Variants in MCC observed in about 807,000 individuals in gnomAD.
MCC encodes colorectal mutant cancer protein.
A neutral mutation model predicts 116.2 loss-of-function variants in MCC; 90 were observed. The observed-to-expected ratio is 0.77, with a 90% CI of 0.65 to 0.92. The LOEUF is 0.92. Among genes scored for constraint, MCC ranks in the 40% least tolerant of loss-of-function variants. The pLI, the probability that MCC is intolerant of heterozygous loss-of-function variation, is 0.00. For synonymous variants in MCC, 578 were observed against 510.5 expected, an observed-to-expected ratio of 1.13 and a Z score of -1.78; for missense variants, 1,516 against 1,312.2, an observed-to-expected ratio of 1.16 and a Z score of -2.40.
chr5:113,155,552 T>C (rs945343052), intron 3 of MCC, among the ~76,000 whole-genome samples: 2 of 152,194 alleles, frequency 1.3e-5, no homozygotes, highest in African/African-American at 4.8e-5. Context: ...TACCAGTGGG[T>C]TTAAATCTTG....
At chr5:113,359,620 TA>T (rs568906381) in intron 2 of MCC, among the ~76,000 whole-genome samples, 11 of 152,198 alleles carry the variant, frequency 7.2e-5, no homozygotes, top group East Asian at 3.9e-4. Flanking sequence ...TTTAACCTTT[TA>T]AAAAAAACAA....
intron 3 of MCC, among the ~76,000 whole-genome samples, chr5:113,242,199 C>T (rs1160036727): frequency 6.6e-6 from 1 of 152,184 alleles, no homozygotes; most frequent in Non-Finnish European, 1.5e-5. Context: ...TTTCAGAATA[C>T]CATTTGAGTT....
At chr5:113,469,956 T>C (rs1772034013) in intron 1 of MCC, among the ~76,000 whole-genome samples, 2 of 152,244 alleles carry the variant, frequency 1.3e-5, no homozygotes, top group Non-Finnish European at 2.9e-5. Flanking sequence ...TTGTCTCTTT[T>C]GATCTTTGTT....
intron 3 of MCC, among the ~76,000 whole-genome samples, chr5:113,318,873 A>G (rs1767350501): frequency 6.6e-6 from 1 of 152,166 alleles, no homozygotes; most frequent in Admixed American, 6.5e-5. Flanking sequence ...ATTTTATTTT[A>G]ATTATTTTTT....
At chr5:113,200,352 C>T (rs1043422878) in intron 3 of MCC, among the ~76,000 whole-genome samples, 2 of 152,152 alleles carry the variant, frequency 1.3e-5, no homozygotes, top group Non-Finnish European at 2.9e-5. Flanking sequence ...GAAAGCCATT[C>T]AGATGGAGGG....
chr5:113,300,914 A>G (rs937898151), intron 3 of MCC, among the ~76,000 whole-genome samples: 3 of 152,334 alleles, frequency 2.0e-5, no homozygotes, highest in Middle Eastern at 3.4e-3. Flanking sequence ...CCTCATCTCT[A>G]TATCCTCAGA....
intron 1 of MCC, among the ~76,000 whole-genome samples, chr5:113,412,678 T>C (rs560644635): frequency 1.3e-5 from 2 of 152,318 alleles, no homozygotes; most frequent in Non-Finnish European, 2.9e-5. Flanking sequence ...TGGGCTGAGA[T>C]GATGGGGTTT....
chr5:113,068,135 A>C lies in MCC; in HGVS notation c.1974T>G (p.Ser658Arg). ...ACTGCCCCAGGATGAGGCTCTGCTCACTCTCTGCCAGCGCCAGGAGGAGTT... is the reference window on the plus strand; with the variant it reads ...ACTGCCCCAGGATGAGGCTCTGCTCCCTCTCTGCCAGCGCCAGGAGGAGTT... ...AYELLLALAE[S>R]EQSLILGQFR... The change falls in exon 13 of 19, where the codon AGT becomes AGG. Residue 658 changes from serine (S) to arginine (R), a missense_variant. By Grantham distance (110) the Ser-to-Arg change is moderately radical (BLOSUM62 -1). Coordinates refer to ENST00000408903, the MANE Select transcript of MCC (RefSeq NM_001085377.2). 1 of 1,614,046 alleles carries C rather than the reference A, an allele frequency of 6.2e-7. No individual in the cohort carries two copies. Among genetic ancestry groups the C allele is most frequent in the Non-Finnish European group, 8.5e-7 (1 of 1,179,998 alleles).
chr5:113,324,694 A>G (rs1311838674), intron 3 of MCC, among the ~76,000 whole-genome samples: 1 of 152,206 alleles, frequency 6.6e-6, no homozygotes, highest in Non-Finnish European at 1.5e-5. Flanking sequence ...TAGCACTGGC[A>G]ATCTATCCAA....
chr5:113,310,736 G>T (rs570029124), intron 3 of MCC, among the ~76,000 whole-genome samples: 33 of 152,260 alleles, frequency 2.2e-4, no homozygotes, highest in South Asian at 8.3e-4. Flanking sequence ...GCTACTATTT[G>T]GGAGAATTTG....
chr5:113,487,087 T>G (rs1308090365), intron 1 of MCC, among the ~76,000 whole-genome samples: 1 of 152,150 alleles, frequency 6.6e-6, no homozygotes, highest in Non-Finnish European at 1.5e-5. Context: ...TGTTTCTCAG[T>G]AAAACTTTAG....
At chr5:113,376,053 A>T (rs1768972745) in intron 2 of MCC, among the ~76,000 whole-genome samples, 1 of 152,162 alleles carries the variant, frequency 6.6e-6, no homozygotes, top group Non-Finnish European at 1.5e-5. Context: ...ATCCAGCTTG[A>T]GACTATATCC....
intron 8 of MCC, among the ~76,000 whole-genome samples, chr5:113,094,296 A>G (rs1755861403): frequency 6.6e-6 from 1 of 152,080 alleles, no homozygotes; most frequent in Non-Finnish European, 1.5e-5. Flanking sequence ...AACATCCAAC[A>G]GCATTTCCAT....
intron 1 of MCC, among the ~76,000 whole-genome samples, chr5:113,414,311 C>T (rs545708771): frequency 1.3e-5 from 2 of 152,242 alleles, no homozygotes; most frequent in South Asian, 4.1e-4. Context: ...GAGTTCAAGT[C>T]CTGAATATCC....
intron 3 of MCC, among the ~76,000 whole-genome samples, chr5:113,289,799 T>C (rs1002378146): frequency 2.0e-5 from 3 of 152,194 alleles, no homozygotes; most frequent in Admixed American, 6.5e-5. Context: ...CATGAGTAAA[T>C]AAGATGGTTA....
intron 5 of MCC, among the ~76,000 whole-genome samples, chr5:113,138,511 G>T (rs1422140375): frequency 6.6e-6 from 1 of 152,158 alleles, no homozygotes; most frequent in East Asian, 1.9e-4. Context: ...GTGAGAAGGT[G>T]GCCATCTGCA....
intron 15 of MCC, 79 bp from the exon 16 acceptor site, chr5:113,049,378 G>T: frequency 7.9e-7 from 1 of 1,270,092 alleles, no homozygotes; most frequent in Admixed American, 2.5e-5. Flanking sequence ...TGGGTGGGTG[G>T]GGGGTCCCCG....
At chr5:113,196,833 T>G (rs762273447) in intron 3 of MCC, among the ~76,000 whole-genome samples, 11 of 152,142 alleles carry the variant, frequency 7.2e-5, no homozygotes, top group Admixed American at 2.6e-4. Flanking sequence ...AACAAGACTC[T>G]ATCTCAAAAA....
chr5:113,085,084 G>A (rs1281028061), intron 9 of MCC, 80 bp downstream of exon 9: 14 of 1,595,624 alleles, frequency 8.8e-6, no homozygotes, highest in Non-Finnish European at 6.9e-6. Flanking sequence ...GGGCATGCCT[G>A]TACAGTGGCT....
Sources: allele counts gnomAD v4.1 joint callset (sites outside exome capture counted in the v4.1 genomes callset), GRCh38; gene constraint gnomAD v4.1.1; transcripts MANE v1.5; gene names NCBI Gene and HGNC (gene_info 2026-07-23, HGNC 2026-07-21).